COL5A2: variants seen among roughly 807,000 people sequenced by gnomAD.
COL5A2 encodes collagen alpha-2(V) chain.
A neutral mutation model predicts 208.2 loss-of-function variants in COL5A2; 23 were observed. The ratio of observed to expected loss-of-function variants is 0.11; its 90% CI spans 0.08 to 0.16. The LOEUF (loss-of-function observed/expected upper bound fraction) is 0.16, where lower values mean the gene tolerates loss of function less well. COL5A2 is among the 10% of genes least tolerant of loss of function. COL5A2 has a pLI of 1.00. For missense variants in COL5A2, 1,590 were observed against 1,956.4 expected, an observed-to-expected ratio of 0.81 and a Z score of 3.53; for synonymous variants, 625 against 628.5, an observed-to-expected ratio of 0.99 and a Z score of 0.08.
At chr2:189,347,648 CT>C in the COL5A2 span, among the ~76,000 whole-genome samples, 1 of 152,092 alleles carries the variant, frequency 6.6e-6, no homozygotes, top group African/African-American at 2.4e-5. Context: ...CTGCCATGGA[CT>C]TATTTTTAAA....
At chr2:189,141,341 A>G (rs1021123254) in intron 1 of COL5A2, among the ~76,000 whole-genome samples, 7 of 152,200 alleles carry the variant, frequency 4.6e-5, no homozygotes, top group Admixed American at 1.3e-4. Flanking sequence ...GCTCACGACT[A>G]TTCAAGGTAG....
chr2:189,184,672 G>A (rs1688824530), upstream of COL5A2, among the ~76,000 whole-genome samples: 2 of 152,164 alleles, frequency 1.3e-5, no homozygotes, highest in African/African-American at 4.8e-5. Context: ...ACAGACCCAT[G>A]TGACTACATT....
At chr2:189,258,177 T>C in the COL5A2 span, among the ~76,000 whole-genome samples, 1 of 152,200 alleles carries the variant, frequency 6.6e-6, no homozygotes, top group Non-Finnish European at 1.5e-5. Context: ...AATAAATTTA[T>C]TTATGTTTGT....
the COL5A2 span, among the ~76,000 whole-genome samples, chr2:189,375,427 CTA>C: frequency 8.5e-5 from 13 of 152,130 alleles, no homozygotes. Context: ...GAGGTACAGA[CTA>C]TAGTTTATTG....
the COL5A2 span, among the ~76,000 whole-genome samples, chr2:189,399,711 T>A: frequency 3.3e-5 from 5 of 152,140 alleles, no homozygotes; most frequent in Non-Finnish European, 7.3e-5. Flanking sequence ...TGGTTGGTTA[T>A]CTGTTTGAAA....
intron 42 of COL5A2, 132 bp downstream of exon 42, chr2:189,051,188 T>A: frequency 9.4e-7 from 1 of 1,069,504 alleles, no homozygotes; most frequent in South Asian, 1.5e-5. Flanking sequence ...CCTTATAGAT[T>A]TAATGCACTT....
intron 1 of COL5A2, among the ~76,000 whole-genome samples, chr2:189,175,343 C>A (rs888376646): frequency 2.0e-5 from 3 of 151,962 alleles, no homozygotes; most frequent in Non-Finnish European, 4.4e-5. Flanking sequence ...CATCCTCTAT[C>A]CACATGCCTA....
At chr2:189,314,773 C>T in the COL5A2 span, among the ~76,000 whole-genome samples, 508 of 152,260 alleles carry the variant, frequency 3.3e-3, 19 homozygotes, top group East Asian at 0.083. Flanking sequence ...CATAGAAATA[C>T]AAACAACCAT....
chr2:189,380,673 G>A, the COL5A2 span, among the ~76,000 whole-genome samples: 1 of 151,642 alleles, frequency 6.6e-6, no homozygotes, highest in East Asian at 1.9e-4. Flanking sequence ...ATAGACCAAA[G>A]AATCCACCCA....
intron 43 of COL5A2, among the ~76,000 whole-genome samples, chr2:189,049,744 T>C (rs1685745714): frequency 6.6e-6 from 1 of 152,218 alleles, no homozygotes; most frequent in Non-Finnish European, 1.5e-5. Context: ...GCTGCCCTTC[T>C]GGAATTTGCA....
At chr2:189,080,477 T>C (rs547989042) in intron 13 of COL5A2, among the ~76,000 whole-genome samples, 2 of 152,204 alleles carry the variant, frequency 1.3e-5, no homozygotes, top group East Asian at 3.9e-4. Context: ...TGATTGAATA[T>C]CACTATTTGA....
At chr2:189,324,562 A>G in the COL5A2 span, among the ~76,000 whole-genome samples, 1 of 152,080 alleles carries the variant, frequency 6.6e-6, no homozygotes, top group East Asian at 1.9e-4. Context: ...GACACATGAA[A>G]AAATGCTCAT....
At chr2:189,433,117 T>A in the COL5A2 span, among the ~76,000 whole-genome samples, 1 of 152,188 alleles carries the variant, frequency 6.6e-6, no homozygotes, top group Non-Finnish European at 1.5e-5. Context: ...GAAATAAAGA[T>A]GTTCTTTGAA....
the COL5A2 span, among the ~76,000 whole-genome samples, chr2:189,238,203 T>A: frequency 1.3e-3 from 204 of 152,250 alleles, 1 homozygote; most frequent in African/African-American, 4.8e-3. Context: ...AATATGAGTA[T>A]GTTGGTTTAT....
At chr2:189,132,344 C>T (rs974234686) in intron 1 of COL5A2, among the ~76,000 whole-genome samples, 6 of 152,098 alleles carry the variant, frequency 3.9e-5, no homozygotes, top group Admixed American at 6.5e-5. Flanking sequence ...CCTGATTTTA[C>T]GTTTTTCTTT....
At chr2:189,098,310 A>G (rs1686963938) in intron 5 of COL5A2, among the ~76,000 whole-genome samples, 1 of 152,232 alleles carries the variant, frequency 6.6e-6, no homozygotes, top group Admixed American at 6.5e-5. Context: ...ATACTAAGCC[A>G]TAAATATGCT....
chr2:189,271,813 G>GA, the COL5A2 span, among the ~76,000 whole-genome samples: 1 of 152,006 alleles, frequency 6.6e-6, no homozygotes, highest in Non-Finnish European at 1.5e-5. Context: ...AAATTTACAA[G>GA]AAAAAAACAA....
the COL5A2 span, among the ~76,000 whole-genome samples, chr2:189,268,997 T>C: frequency 3.9e-5 from 6 of 152,236 alleles, no homozygotes; most frequent in African/African-American, 1.4e-4. Context: ...CTGAGCCTTA[T>C]CTTAAGGAAA....
At chr2:189,216,602 T>C (rs554176518) in intron 1 of COL5A2, among the ~76,000 whole-genome samples, 2 of 152,134 alleles carry the variant, frequency 1.3e-5, no homozygotes, top group South Asian at 2.1e-4. Flanking sequence ...GGAGGGCAGA[T>C]AGTAGGATTC....
Sources: allele counts gnomAD v4.1 joint callset (sites outside exome capture counted in the v4.1 genomes callset), GRCh38; gene constraint gnomAD v4.1.1; transcripts MANE v1.5; gene names NCBI Gene and HGNC (gene_info 2026-07-23, HGNC 2026-07-21).